The following PHACTR1 variants were observed in gnomAD, a reference collection of about 807,000 sequenced individuals.
PHACTR1 encodes the protein phosphatase and actin regulator 1, also known as RPEL repeat containing 1.
PHACTR1 carries 16 observed loss-of-function variants against 69.2 expected under a neutral mutation model. The observed-to-expected ratio is 0.23, with a 90% CI of 0.16 to 0.35. PHACTR1 has a LOEUF of 0.35. Among genes scored for constraint, PHACTR1 ranks in the 10% least tolerant of loss-of-function variants. PHACTR1 has a pLI of 1.00. For missense variants in PHACTR1, 510 were observed against 734.7 expected (o/e 0.69, Z 3.54); for synonymous variants, 312 against 284.5 (o/e 1.10, Z -0.97).
At chr6:12,930,242 G>A (rs1193490560) in intron 4 of PHACTR1, among the ~76,000 whole-genome samples, 1 of 151,988 alleles carries the variant, frequency 6.6e-6, no homozygotes, top group Non-Finnish European at 1.5e-5. Context: ...ACGGGGTCTT[G>A]CTCTATTATC....
chr6:12,803,686 A>G (rs2127681424), intron 4 of PHACTR1, among the ~76,000 whole-genome samples: 1 of 152,328 alleles, frequency 6.6e-6, no homozygotes, highest in East Asian at 1.9e-4. Context: ...GAGTTTCTCA[A>G]CTTTGGCACT....
At chr6:12,898,050 C>G (rs1784846985) in intron 4 of PHACTR1, among the ~76,000 whole-genome samples, 1 of 152,116 alleles carries the variant, frequency 6.6e-6, no homozygotes, top group Non-Finnish European at 1.5e-5. Context: ...GAACTGATAT[C>G]TTTATTCTAC....
rs190151362 is a variant in PHACTR1, at chr6:12,864,046, G to C, written c.250+114256G>C. Reference sequence around the variant, plus strand: ...TGTGAAATAGTTACCATTGCTGGTGGTATTCAATACCTTTAATTTCCTGAT... The same window carrying C: ...TGTGAAATAGTTACCATTGCTGGTGCTATTCAATACCTTTAATTTCCTGAT... On this transcript the variant is annotated intron_variant, in intron 4 of 14. Transcript: ENST00000332995. Among the ~76,000 whole-genome samples, 72 of 152,306 alleles carry C rather than the reference G, an allele frequency of 4.7e-4. No individual in the cohort carries two copies. The South Asian group carries it at 4.8e-3, about 10-fold the overall frequency.
intron 5 of PHACTR1, among the ~76,000 whole-genome samples, chr6:13,077,247 C>T (rs1810656844): frequency 1.3e-5 from 2 of 151,500 alleles, no homozygotes; most frequent in Admixed American, 6.6e-5. Flanking sequence ...TTTAATTCTC[C>T]CTCTAGCCCA....
At chr6:13,252,338 A>G (rs1380371477) in intron 10 of PHACTR1, among the ~76,000 whole-genome samples, 1 of 151,534 alleles carries the variant, frequency 6.6e-6, no homozygotes, top group Non-Finnish European at 1.5e-5. Context: ...AAAAAAAAAA[A>G]AAAAAGAAAA....
chr6:12,943,591 G>A (rs1197439565), intron 4 of PHACTR1, among the ~76,000 whole-genome samples: 1 of 152,154 alleles, frequency 6.6e-6, no homozygotes, highest in Non-Finnish European at 1.5e-5. Flanking sequence ...GGCATTTTTA[G>A]GGGTTCATAG....
chr6:13,252,054 T>TAA (rs551938563), intron 10 of PHACTR1, among the ~76,000 whole-genome samples: 15 of 134,814 alleles, frequency 1.1e-4, no homozygotes, highest in Admixed American at 7.5e-4. Flanking sequence ...GATCCTGCCT[T>TAA]AAAAAAAAAA....
At chr6:13,047,258 G>T (rs928322416) in intron 4 of PHACTR1, among the ~76,000 whole-genome samples, 4 of 151,536 alleles carry the variant, frequency 2.6e-5, no homozygotes, top group Non-Finnish European at 4.4e-5. Context: ...CACGCCTGTT[G>T]TCCCAGCTAC....
intron 4 of PHACTR1, among the ~76,000 whole-genome samples, chr6:12,819,259 T>C (rs530341879): frequency 2.0e-5 from 3 of 152,350 alleles, no homozygotes; most frequent in African/African-American, 7.2e-5. Flanking sequence ...ATGGGCATTA[T>C]GTAATTTTGA....
chr6:13,111,315 TG>T (rs1179564846), intron 5 of PHACTR1, among the ~76,000 whole-genome samples: 1 of 152,198 alleles, frequency 6.6e-6, no homozygotes, highest in Non-Finnish European at 1.5e-5. Context: ...AGTAAAAATT[TG>T]TATCTTATTG....
At chr6:12,770,717 A>G (rs1769275109) in intron 4 of PHACTR1, among the ~76,000 whole-genome samples, 1 of 152,194 alleles carries the variant, frequency 6.6e-6, no homozygotes, top group Admixed American at 6.5e-5. Context: ...AGGAGCACCC[A>G]TGAGAGGAAA....
chr6:12,785,004 A>G (rs1222873771), intron 4 of PHACTR1, among the ~76,000 whole-genome samples: 1 of 151,716 alleles, frequency 6.6e-6, no homozygotes, highest in African/African-American at 2.4e-5. Context: ...CCACCGAGCC[A>G]GGCCATATTT....
At chr6:13,178,022 G>C (rs1195723106) in intron 6 of PHACTR1, among the ~76,000 whole-genome samples, 1 of 152,190 alleles carries the variant, frequency 6.6e-6, no homozygotes, top group Admixed American at 6.5e-5. Flanking sequence ...TGCTTCACCA[G>C]AAGAGGAGAG....
intron 4 of PHACTR1, among the ~76,000 whole-genome samples, chr6:12,926,967 C>A (rs189563933): frequency 3.3e-4 from 50 of 152,338 alleles, no homozygotes; most frequent in Middle Eastern, 3.4e-3. Context: ...CTCCTGCAAG[C>A]CTTAGTTAAA....
chr6:13,098,819 G>A (rs917206637), intron 5 of PHACTR1, among the ~76,000 whole-genome samples: 1 of 152,030 alleles, frequency 6.6e-6, no homozygotes, highest in Non-Finnish European at 1.5e-5. Flanking sequence ...TCCTTCCTAG[G>A]CTATCCAATA....
chr6:13,134,858 G>C (rs984914966), intron 5 of PHACTR1, among the ~76,000 whole-genome samples: 9 of 147,620 alleles, frequency 6.1e-5, no homozygotes, highest in African/African-American at 2.3e-4. Context: ...GGGACTCTAC[G>C]TCCATTTCAG....
At chr6:13,055,700 C>T (rs1424583157) in intron 5 of PHACTR1, among the ~76,000 whole-genome samples, 5 of 152,210 alleles carry the variant, frequency 3.3e-5, no homozygotes, top group African/African-American at 1.2e-4. Context: ...TTTGACAAGG[C>T]CACAAGGCAA....
chr6:13,270,047 C>T (rs1180079536), intron 10 of PHACTR1, among the ~76,000 whole-genome samples: 2 of 152,152 alleles, frequency 1.3e-5, no homozygotes, highest in Non-Finnish European at 2.9e-5. Flanking sequence ...CACAGAACTG[C>T]CCCCACTTCA....
chr6:13,170,294 G>T (rs189924101), intron 6 of PHACTR1, among the ~76,000 whole-genome samples: 1 of 152,110 alleles, frequency 6.6e-6, no homozygotes, highest in African/African-American at 2.4e-5. Context: ...TTTAAGTATT[G>T]CAAGTACAGT....
Sources: gnomAD v4.1 joint callset for allele counts (sites outside exome capture counted in the v4.1 genomes callset) on GRCh38, gnomAD v4.1.1 for gene constraint, MANE v1.5 for transcripts, NCBI Gene and HGNC (gene_info 2026-07-23, HGNC 2026-07-21) for gene names.